CCL28: variants seen among roughly 807,000 people sequenced by gnomAD.
CCL28 encodes C-C motif chemokine 28.
A neutral mutation model predicts 7.1 loss-of-function variants in CCL28; 4 were observed. That is an observed-to-expected ratio of 0.56 (90% CI 0.28 to 1.29). The LOEUF is 1.29. Ranked by LOEUF, CCL28 falls within the 50% of genes most tolerant of loss-of-function variation. The pLI is 0.11. For missense variants in CCL28, 151 were observed against 163.4 expected (o/e 0.92, Z 0.41); for synonymous variants, 55 against 57.8 (o/e 0.95, Z 0.22).
At chr5:43,405,106 A>G (rs1741214784) in intron 1 of CCL28, among the ~76,000 whole-genome samples, 1 of 151,548 alleles carries the variant, frequency 6.6e-6, no homozygotes, top group Admixed American at 6.6e-5. Context: ...ACAAGACAGA[A>G]AGTTAACAAA....
chr5:43,392,976 T>C (rs1204770242), intron 1 of CCL28, among the ~76,000 whole-genome samples: 1 of 152,226 alleles, frequency 6.6e-6, no homozygotes, highest in Non-Finnish European at 1.5e-5. Flanking sequence ...CATAGTCAGA[T>C]ATCATAAAAA....
At chr5:43,369,032 GAGAA>G in the CCL28 span, among the ~76,000 whole-genome samples, 1 of 108,912 alleles carries the variant, frequency 9.2e-6, no homozygotes, top group Non-Finnish European at 1.9e-5. Context: ...GAGAGAAAGA[GAGAA>G]AGAGAGAGAG....
chr5:43,405,139 A>G (rs1741216448), intron 1 of CCL28, among the ~76,000 whole-genome samples: 1 of 152,182 alleles, frequency 6.6e-6, no homozygotes, highest in African/African-American at 2.4e-5. Context: ...TTGAACACAG[A>G]TGTGCACCAA....
chr5:43,411,042 C>T (rs1195794363), intron 1 of CCL28, among the ~76,000 whole-genome samples: 1 of 152,196 alleles, frequency 6.6e-6, no homozygotes, highest in Non-Finnish European at 1.5e-5. Flanking sequence ...ATACAGCAAA[C>T]TTCAGAGGCT....
rs1740126805 is a variant in CCL28, at chr5:43,381,809, A to G, written c.*51T>C. On this transcript the variant is annotated 3_prime_UTR_variant, in exon 3 of 3. Coordinates refer to ENST00000361115, the MANE Select transcript of CCL28 (RefSeq NM_148672.3). Reference sequence around the variant, plus strand: ...TCAGATGATAAACTTACAACCAATCATGGCCAAGTCCACTTGAGGAATTGT... The same window carrying G: ...TCAGATGATAAACTTACAACCAATCGTGGCCAAGTCCACTTGAGGAATTGT... 6.9e-7 allele frequency: 1 copy of G among 1,449,974 alleles called. No homozygotes were observed. The highest frequency in any genetic ancestry group is 9.5e-7 in the Non-Finnish European group (1 of 1,053,026). The allele number at this position is 1,449,974 out of a possible 1,614,324, so 89.8% of individuals were successfully genotyped here.
intron 1 of CCL28, among the ~76,000 whole-genome samples, chr5:43,408,352 T>A (rs867265395): frequency 1.4e-4 from 22 of 152,152 alleles, no homozygotes; most frequent in Admixed American, 3.9e-4. Context: ...ACATGGATGA[T>A]GCTGGAAACC....
intron 1 of CCL28, among the ~76,000 whole-genome samples, chr5:43,391,471 C>T (rs1445677533): frequency 6.6e-6 from 1 of 152,206 alleles, no homozygotes; most frequent in African/African-American, 2.4e-5. Context: ...ACTAATACTT[C>T]TGTGGAAATG....
downstream of CCL28, among the ~76,000 whole-genome samples, chr5:43,375,863 G>A (rs1006465949): frequency 3.4e-5 from 5 of 147,834 alleles, no homozygotes; most frequent in Admixed American, 6.8e-5. Flanking sequence ...GGCGGACCCC[G>A]TCTCTACCAA....
the CCL28 span, among the ~76,000 whole-genome samples, chr5:43,368,267 T>C: frequency 6.6e-6 from 1 of 152,226 alleles, no homozygotes; most frequent in African/African-American, 2.4e-5. Flanking sequence ...GGTAGTTCTC[T>C]CCTTCACAAA....
At chr5:43,374,773 T>G (rs2111646278), downstream of CCL28, among the ~76,000 whole-genome samples, 1 of 113,386 alleles carries the variant, frequency 8.8e-6, no homozygotes, top group Admixed American at 8.6e-5. Context: ...AGAGTGAGAC[T>G]CTGTCTCAAA....
intron 1 of CCL28, among the ~76,000 whole-genome samples, chr5:43,393,424 G>A (rs1303983477): frequency 1.3e-5 from 2 of 151,450 alleles, no homozygotes; most frequent in African/African-American, 4.9e-5. Context: ...GCACAATCTC[G>A]GCTCACTGCA....
intron 2 of CCL28, among the ~76,000 whole-genome samples, chr5:43,382,546 T>C (rs1467446370): frequency 6.6e-6 from 1 of 152,144 alleles, no homozygotes; most frequent in African/African-American, 2.4e-5. Context: ...ACGGTGAGAG[T>C]TATCTCTTTT....
At chr5:43,364,386 AT>A in the CCL28 span, among the ~76,000 whole-genome samples, 1 of 152,012 alleles carries the variant, frequency 6.6e-6, no homozygotes, top group Non-Finnish European at 1.5e-5. Context: ...ATGCCACTGT[AT>A]TTTTTTGAGT....
the CCL28 span, among the ~76,000 whole-genome samples, chr5:43,361,516 T>C: frequency 6.6e-6 from 1 of 152,238 alleles, no homozygotes; most frequent in East Asian, 1.9e-4. Flanking sequence ...TATCAATTTT[T>C]GCTTTTGTTG....
chr5:43,371,167 C>T, the CCL28 span, among the ~76,000 whole-genome samples: 1 of 152,202 alleles, frequency 6.6e-6, no homozygotes, highest in Admixed American at 6.5e-5. Context: ...ACACCTATAT[C>T]AAGCAACAGA....
chr5:43,377,716 A>ATTTTTTT (rs1561151287), downstream of CCL28, among the ~76,000 whole-genome samples: 10 of 45,652 alleles, frequency 2.2e-4, no homozygotes, highest in African/African-American at 5.3e-4. Flanking sequence ...TAGAACTTAA[A>ATTTTTTT]CTTTTTTTTT....
the CCL28 span, among the ~76,000 whole-genome samples, chr5:43,366,544 G>A: frequency 1.3e-5 from 2 of 152,242 alleles, no homozygotes; most frequent in African/African-American, 2.4e-5. Context: ...GCACCTGCCA[G>A]ATGCCAGCTG....
chr5:43,406,361 G>A (rs1244883604), intron 1 of CCL28, among the ~76,000 whole-genome samples: 1 of 151,824 alleles, frequency 6.6e-6, no homozygotes, highest in African/African-American at 2.4e-5. Context: ...ATCAATAAAC[G>A]TAATCTAGCA....
In CCL28 at chr5:43,405,918, A is replaced by G. The variant is rs554132337; in HGVS notation, c.64+6335T>C. ...CTAGAAGAAATGGATAAATTCCTGG[A>G]CACATACACCCTCCCAAGACTAAAC... On this transcript the variant is annotated intron_variant, in intron 1 of 2. Coordinates refer to ENST00000361115, the MANE Select transcript of CCL28 (RefSeq NM_148672.3). Among the ~76,000 whole-genome samples the G allele has an allele frequency of 3.6e-3, 543 of 152,308 alleles. 5 individuals are homozygous for G. Among genetic ancestry groups the G allele is most frequent in the African/African-American group, 0.013 (521 of 41,550 alleles).
Sources: gnomAD v4.1 joint callset for allele counts (sites outside exome capture counted in the v4.1 genomes callset) on GRCh38, gnomAD v4.1.1 for gene constraint, MANE v1.5 for transcripts, NCBI Gene and HGNC (gene_info 2026-07-23, HGNC 2026-07-21) for gene names.